The following PEBP4 variants were observed in gnomAD, a reference collection of about 807,000 sequenced individuals.
PEBP4 encodes phosphatidylethanolamine binding protein 4, also known as phosphatidylethanolamine-binding protein 4.
PEBP4 carries 22 observed loss-of-function variants against 23.9 expected under a neutral mutation model. The ratio of observed to expected loss-of-function variants is 0.92; its 90% CI spans 0.66 to 1.31. PEBP4 has a LOEUF of 1.31. Among genes scored for constraint, PEBP4 ranks in the 40% most tolerant of loss-of-function variants. The pLI is 0.00. For missense variants in PEBP4, 324 were observed against 281.7 expected, an observed-to-expected ratio of 1.15 and a Z score of -1.07; for synonymous variants, 112 against 99.3, an observed-to-expected ratio of 1.13 and a Z score of -0.76.
chr8:22,767,464 G>A (rs923519506), intron 4 of PEBP4, among the ~76,000 whole-genome samples: 2 of 152,224 alleles, frequency 1.3e-5, no homozygotes, highest in South Asian at 2.1e-4. Context: ...TTTCTCGAGC[G>A]GGAAAGAAGA....
chr8:22,846,074 C>T (rs564417197), intron 3 of PEBP4, among the ~76,000 whole-genome samples: 1 of 152,228 alleles, frequency 6.6e-6, no homozygotes. Context: ...TTCTTCTATG[C>T]GGACCTCCAT....
chr8:22,819,600 T>G (rs1339982400), intron 3 of PEBP4, among the ~76,000 whole-genome samples: 6 of 151,776 alleles, frequency 4.0e-5, no homozygotes, highest in African/African-American at 2.4e-5. Flanking sequence ...ATTGTTTTTG[T>G]TTTTTTGTTT....
At chr8:22,833,522 G>T (rs1355858498) in intron 3 of PEBP4, among the ~76,000 whole-genome samples, 1 of 152,120 alleles carries the variant, frequency 6.6e-6, no homozygotes, top group Non-Finnish European at 1.5e-5. Flanking sequence ...GGTAGAGATG[G>T]GGTTTCACCA....
At chr8:22,735,435 A>C (rs1804839541) in intron 4 of PEBP4, among the ~76,000 whole-genome samples, 1 of 152,244 alleles carries the variant, frequency 6.6e-6, no homozygotes, top group Non-Finnish European at 1.5e-5. Flanking sequence ...AAATGTGTGC[A>C]TGAGACATGG....
chr8:22,927,828 G>T lies in PEBP4; in HGVS notation c.-12C>A. The T allele has an allele frequency of 7.2e-7, 1 of 1,384,556 alleles. No individual in the cohort carries two copies. The highest frequency in any genetic ancestry group is 9.9e-7 in the Non-Finnish European group (1 of 1,013,094). The allele number at this position is 1,384,556 out of a possible 1,614,324, so 85.8% of individuals were successfully genotyped here. Reference sequence around the variant, plus strand: ...CCACTTGGCAGGATAGAGACCTCTGGTTAAGCACAGGGAGAAGGACAGGCA... The same window carrying T: ...CCACTTGGCAGGATAGAGACCTCTGTTTAAGCACAGGGAGAAGGACAGGCA... On this transcript the variant is annotated 5_prime_UTR_variant, in exon 1 of 7. Coordinates refer to ENST00000256404, the MANE Select transcript of PEBP4 (RefSeq NM_144962.3).
At chr8:22,734,046 C>T (rs1322980628) in intron 4 of PEBP4, among the ~76,000 whole-genome samples, 2 of 152,242 alleles carry the variant, frequency 1.3e-5, no homozygotes, top group Non-Finnish European at 2.9e-5. Context: ...AACAAGAAAG[C>T]TCCTTGCTGT....
In PEBP4 at chr8:22,940,463, G is replaced by C. The variant is rs186622092; in HGVS notation, c.145-12743C>G. Among the ~76,000 whole-genome samples the C allele has an allele frequency of 1.8e-3, 270 of 150,142 alleles. 3 individuals carry two copies. Among genetic ancestry groups the C allele is most frequent in the Middle Eastern group, 7.1e-3 (2 of 282 alleles). On this transcript the variant is annotated intron_variant, in intron 1 of 1. Coordinates refer to the PEBP4 transcript ENST00000522278. ...AAATCACGCTAGAGTGAAAAAATTG[G>C]AAACACCACCTTTACCATGAATTTC...
At chr8:22,831,817 A>T (rs894313329) in intron 3 of PEBP4, among the ~76,000 whole-genome samples, 8 of 152,228 alleles carry the variant, frequency 5.3e-5, no homozygotes, top group African/African-American at 1.9e-4. Context: ...ATCCACAGGC[A>T]GGGAGCAGCA....
At chr8:22,747,924 C>T (rs569576750) in intron 4 of PEBP4, among the ~76,000 whole-genome samples, 187 of 152,314 alleles carry the variant, frequency 1.2e-3, no homozygotes, top group African/African-American at 4.3e-3. Context: ...CGTGCAGGCT[C>T]TCCCACAGAG....
At chr8:22,902,454 C>T (rs1808731074) in intron 3 of PEBP4, among the ~76,000 whole-genome samples, 2 of 146,626 alleles carry the variant, frequency 1.4e-5, no homozygotes, top group Admixed American at 1.3e-4. Flanking sequence ...TGGCATGAGG[C>T]AGATAGGGTG....
chr8:22,863,517 G>C (rs913072410), intron 3 of PEBP4, among the ~76,000 whole-genome samples: 11 of 152,172 alleles, frequency 7.2e-5, no homozygotes, highest in African/African-American at 2.7e-4. Context: ...GCTGAAGTGT[G>C]CATGGGGCTT....
At chr8:22,770,205 G>A (rs561566540) in intron 4 of PEBP4, among the ~76,000 whole-genome samples, 2 of 152,318 alleles carry the variant, frequency 1.3e-5, no homozygotes, top group Admixed American at 1.3e-4. Flanking sequence ...TGGGGCAGAG[G>A]AAGCTCTGGG....
chr8:22,858,424 G>A (rs1336956837), intron 3 of PEBP4, among the ~76,000 whole-genome samples: 1 of 152,228 alleles, frequency 6.6e-6, no homozygotes, highest in Non-Finnish European at 1.5e-5. Flanking sequence ...GAGATAAGGA[G>A]CATACAGAAT....
chr8:22,865,483 C>T lies in PEBP4; in HGVS notation c.259-47748G>A, dbSNP rs1388468269. The stretch of plus-strand genomic sequence containing the variant: ...CGCCGCGAGGTGGAGCGCGCCACCG[C>T]CCCCCCGGCCGCGCAGCGAGAAGGA... On this transcript the variant is annotated intron_variant, in intron 3 of 6. Transcript: ENST00000256404. This position sits in a 1 kb window ranked among gnomAD's most constrained non-coding sequence, Gnocchi z 6.9. 6.6e-6 allele frequency among the ~76,000 whole-genome samples: 1 copy of T among 151,666 alleles called. No homozygotes were observed. The highest frequency in any genetic ancestry group is 1.5e-5 in the Non-Finnish European group (1 of 67,840).
At chr8:22,936,283 T>C (rs1261226347) in intron 1 of PEBP4, among the ~76,000 whole-genome samples, 1 of 151,634 alleles carries the variant, frequency 6.6e-6, no homozygotes, top group Non-Finnish European at 1.5e-5. Context: ...TTTACAGAAA[T>C]AAAAAGGGTG....
chr8:22,803,574 G>C (rs976378480), intron 4 of PEBP4, among the ~76,000 whole-genome samples: 3 of 152,144 alleles, frequency 2.0e-5, no homozygotes, highest in African/African-American at 7.2e-5. Context: ...TGAGGCCGGA[G>C]AATGGCTTGA....
intron 5 of PEBP4, 120 bp downstream of exon 5, chr8:22,727,055 C>T: frequency 1.9e-6 from 2 of 1,048,424 alleles, no homozygotes; most frequent in Admixed American, 2.0e-5. Context: ...GAAATCAGGG[C>T]ATCCAAGAAA....
intron 4 of PEBP4, among the ~76,000 whole-genome samples, chr8:22,793,522 C>G (rs1329654403): frequency 6.8e-6 from 1 of 147,452 alleles, no homozygotes; most frequent in South Asian, 2.1e-4. Context: ...CTCAAGTGTT[C>G]TGCCCACCTC....
intron 3 of PEBP4, among the ~76,000 whole-genome samples, chr8:22,900,383 T>C (rs1381178764): frequency 6.6e-6 from 1 of 152,212 alleles, no homozygotes; most frequent in African/African-American, 2.4e-5. Context: ...GCGCAGTGGC[T>C]CACGCCTGTA....
Sources: allele counts gnomAD v4.1 joint callset (sites outside exome capture counted in the v4.1 genomes callset), GRCh38; gene constraint gnomAD v4.1.1; non-coding constraint Gnocchi (gnomAD v3.1); transcripts MANE v1.5; gene names NCBI Gene and HGNC (gene_info 2026-07-23, HGNC 2026-07-21).